Variants in ZNF708 observed in about 807,000 individuals in gnomAD.
The protein encoded by ZNF708 is zinc finger protein 708.
Under a neutral mutation model 47.0 loss-of-function variants are expected in ZNF708, and 44 were observed. That is an observed-to-expected ratio of 0.94 (90% CI 0.74 to 1.20). The LOEUF (loss-of-function observed/expected upper bound fraction) is 1.20, where lower values mean the gene tolerates loss of function less well. Ranked by LOEUF, ZNF708 falls within the 50% of genes most tolerant of loss-of-function variation. ZNF708 has a pLI of 0.00. For synonymous variants in ZNF708, 184 were observed against 218.5 expected, an observed-to-expected ratio of 0.84 and a Z score of 1.39; for missense variants, 557 against 656.0, an observed-to-expected ratio of 0.85 and a Z score of 1.65.
intron 3 of ZNF708, among the ~76,000 whole-genome samples, chr19:21,300,147 T>C (rs557842600): frequency 1.0e-4 from 15 of 143,064 alleles, no homozygotes; most frequent in African/African-American, 3.9e-4. Context: ...CTACTAAAAA[T>C]ACAAAATTAG....
chr19:21,320,228 A>G (rs1250894538), intron 1 of ZNF708, among the ~76,000 whole-genome samples: 2 of 152,160 alleles, frequency 1.3e-5, no homozygotes, highest in Non-Finnish European at 1.5e-5. Flanking sequence ...AAGCAGAATT[A>G]CCATTTGACC....
At chr19:21,304,403 CAGG>C (rs2145160714) in intron 3 of ZNF708, among the ~76,000 whole-genome samples, 1 of 152,120 alleles carries the variant, frequency 6.6e-6, no homozygotes, top group East Asian at 1.9e-4. Context: ...CCACATCAAA[CAGG>C]AGGATTATAT....
intron 3 of ZNF708, among the ~76,000 whole-genome samples, chr19:21,296,299 G>A (rs1390426603): frequency 1.3e-5 from 2 of 151,848 alleles, no homozygotes; most frequent in African/African-American, 2.4e-5. Flanking sequence ...TCAGAAGTTC[G>A]AGACCAGTCT....
chr19:21,320,515 G>A (rs2968053), intron 1 of ZNF708, among the ~76,000 whole-genome samples: 19 of 151,600 alleles, frequency 1.3e-4, no homozygotes, highest in East Asian at 5.9e-4. Context: ...GCAAAACCCC[G>A]TCTCTACAAA....
intron 1 of ZNF708, among the ~76,000 whole-genome samples, chr19:21,313,068 G>A (rs1027460546): frequency 1.3e-5 from 2 of 151,386 alleles, no homozygotes; most frequent in Non-Finnish European, 1.5e-5. Flanking sequence ...CTTGAGATCA[G>A]GAGTTCAAGG....
intron 3 of ZNF708, among the ~76,000 whole-genome samples, chr19:21,305,630 C>T (rs563845031): frequency 1.3e-5 from 2 of 151,228 alleles, no homozygotes; most frequent in African/African-American, 4.8e-5. Flanking sequence ...AGCTAATTTT[C>T]GTATTTTTTT....
At chr19:21,310,455 A>C in intron 2 of ZNF708, 46 bp downstream of exon 2, 7 of 791,796 alleles carry the variant, frequency 8.8e-6, no homozygotes, top group Non-Finnish European at 1.1e-5. Flanking sequence ...AAAAAAAAAA[A>C]TAATAATAAA....
chr19:21,321,935 G>GA (rs1361298397), intron 1 of ZNF708, among the ~76,000 whole-genome samples: 3 of 152,008 alleles, frequency 2.0e-5, no homozygotes, highest in Non-Finnish European at 4.4e-5. Flanking sequence ...ATAGATGGAA[G>GA]GACTGGTTTG....
chr19:21,329,169 C>G (rs755503035), intron 1 of ZNF708, 41 bp downstream of exon 1: 2 of 1,611,118 alleles, frequency 1.2e-6, no homozygotes, highest in South Asian at 2.2e-5. Flanking sequence ...AGGTTTCAAC[C>G]AGCCCTTCCC....
At position 21,293,246 on chromosome 19, in the gene ZNF708, T is replaced by C. The variant is rs374803496; in HGVS notation, c.*28A>G. 2.0e-4 allele frequency: 316 copies of C among 1,582,092 alleles called. No homozygotes were observed. The highest frequency in any genetic ancestry group is 2.6e-4 in the Non-Finnish European group (301 of 1,166,382). On this transcript the variant is annotated 3_prime_UTR_variant, in exon 4 of 4. Transcript: ENST00000356929. ...GAATTATCTTGTGTTTTAATAAAAG[T>C]TGAAAATACACTAAAGGATTTGACA...
At chr19:21,296,073 T>G (rs1265339599) in intron 3 of ZNF708, among the ~76,000 whole-genome samples, 1 of 151,742 alleles carries the variant, frequency 6.6e-6, no homozygotes, top group African/African-American at 2.4e-5. Context: ...GATAAAGTAA[T>G]GTATCATTTA....
intron 1 of ZNF708, among the ~76,000 whole-genome samples, chr19:21,314,809 G>C (rs1206287321): frequency 3.9e-5 from 6 of 152,124 alleles, no homozygotes; most frequent in Non-Finnish European, 7.4e-5. Context: ...TACACTGAGG[G>C]AAAAGCAGAA....
chr19:21,323,519 G>C (rs1177032737), intron 1 of ZNF708, among the ~76,000 whole-genome samples: 1 of 152,152 alleles, frequency 6.6e-6, no homozygotes. Flanking sequence ...CCTTAGGAAA[G>C]GAAGCCTTTG....
chr19:21,296,078 C>CA (rs1972521376), intron 3 of ZNF708, among the ~76,000 whole-genome samples: 1 of 151,336 alleles, frequency 6.6e-6, no homozygotes, highest in Non-Finnish European at 1.5e-5. Context: ...AGTAATGTAT[C>CA]ATTTATAAAA....
At chr19:21,315,550 T>G in intron 1 of ZNF708, among the ~76,000 whole-genome samples, 1 of 152,194 alleles carries the variant, frequency 6.6e-6, no homozygotes, top group East Asian at 1.9e-4. Flanking sequence ...AGTATACAAT[T>G]TATTTGGGCC....
chr19:21,325,701 CAAAGAT>C (rs1327338805), intron 1 of ZNF708, among the ~76,000 whole-genome samples: 1 of 152,050 alleles, frequency 6.6e-6, no homozygotes, highest in Non-Finnish European at 1.5e-5. Context: ...GCAATAAAAA[CAAAGAT>C]AAATATCAGG....
Position 21,296,266 on chromosome 19 carries a change from C to T in ZNF708, c.227-1527G>A, listed in dbSNP as rs1411101842. Among the ~76,000 whole-genome samples, 4 of 151,702 alleles carry T rather than the reference C, an allele frequency of 2.6e-5. No individual in the cohort carries two copies. The East Asian group carries it at 5.8e-4, about 22-fold the overall frequency. On this transcript the variant is annotated intron_variant, in intron 3 of 3. Coordinates refer to ENST00000356929, the MANE Select transcript of ZNF708 (RefSeq NM_021269.3). ...CTGTAATCCCAGCACTTTGGAAGGC[C>T]GAGGCGGGCGGATCACCTGAGGTCA...
At chr19:21,318,257 G>C (rs1233509242) in intron 1 of ZNF708, 1 of 152,028 alleles carries the variant, frequency 6.6e-6, no homozygotes, top group Non-Finnish European at 1.5e-5. Context: ...AATTTATTAT[G>C]GTGACTTGAA....
chr19:21,323,769 AT>A (rs1973199413), intron 1 of ZNF708, among the ~76,000 whole-genome samples: 1 of 152,140 alleles, frequency 6.6e-6, no homozygotes, highest in Non-Finnish European at 1.5e-5. Context: ...TTCTCCCAGG[AT>A]AAAGACTTCT....
Sources: allele counts gnomAD v4.1 joint callset (sites outside exome capture counted in the v4.1 genomes callset), GRCh38; gene constraint gnomAD v4.1.1; transcripts MANE v1.5; gene names NCBI Gene and HGNC (gene_info 2026-07-23, HGNC 2026-07-21).